Variants in ASAP1 observed in about 807,000 individuals in gnomAD.
The protein encoded by ASAP1 is arf-GAP with SH3 domain, ANK repeat and PH domain-containing protein 1.
ASAP1 carries 43 observed loss-of-function variants against 145.2 expected under a neutral mutation model. The ratio of observed to expected loss-of-function variants is 0.30; its 90% CI spans 0.23 to 0.38. The LOEUF is 0.38. ASAP1 is among the 10% of genes least tolerant of loss of function. The pLI is 1.00. For synonymous variants in ASAP1, 546 were observed against 515.5 expected, an observed-to-expected ratio of 1.06 and a Z score of -0.80; for missense variants, 1,018 against 1,355.3, an observed-to-expected ratio of 0.75 and a Z score of 3.91.
At chr8:130,070,290 G>A (rs2097440146) in intron 27 of ASAP1, among the ~76,000 whole-genome samples, 1 of 152,126 alleles carries the variant, frequency 6.6e-6, no homozygotes. Context: ...GCCCACCTTG[G>A]CCTCTCAAAG....
intron 4 of ASAP1, among the ~76,000 whole-genome samples, chr8:130,234,892 G>GAATTT: frequency 6.6e-6 from 1 of 152,062 alleles, no homozygotes; most frequent in Non-Finnish European, 1.5e-5. Context: ...GTTGTATGTG[G>GAATTT]AATCACTGAA....
intron 7 of ASAP1, among the ~76,000 whole-genome samples, chr8:130,184,366 G>T (rs1405264734): frequency 6.6e-6 from 1 of 152,210 alleles, no homozygotes; most frequent in African/African-American, 2.4e-5. Flanking sequence ...GGAACGTGTA[G>T]ATAAGTCAGG....
chr8:130,314,006 C>T (rs890564768), intron 3 of ASAP1, among the ~76,000 whole-genome samples: 1 of 152,190 alleles, frequency 6.6e-6, no homozygotes, highest in Non-Finnish European at 1.5e-5. Context: ...CCACCAATCA[C>T]TCAGTGTGAC....
At chr8:130,242,272 A>AAAC (rs1554855701) in intron 3 of ASAP1, among the ~76,000 whole-genome samples, 2,544 of 149,636 alleles carry the variant, frequency 0.017, 68 homozygotes, top group African/African-American at 0.058. Flanking sequence ...AAAAAAAAAA[A>AAAC]AAAAAAAAAA....
chr8:130,272,654 A>C (rs1820657007), intron 3 of ASAP1, among the ~76,000 whole-genome samples: 1 of 152,246 alleles, frequency 6.6e-6, no homozygotes, highest in South Asian at 2.1e-4. Flanking sequence ...ATACAAATGG[A>C]ATACTATTTG....
In ASAP1 at chr8:130,433,651, G is replaced by A. The variant is rs947003251; in HGVS notation, c.-28+9809C>T. 1.2e-4 allele frequency among the ~76,000 whole-genome samples: 18 copies of A among 152,208 alleles called. 1 individual carries two copies. Among genetic ancestry groups the A allele is most frequent in the Admixed American group, 6.5e-5 (1 of 15,276 alleles). ...TAGCAGGATATGCAGGGAAATCTGT[G>A]CAATGAAAACTCTTAAAAGTGAATT... On this transcript the variant is annotated intron_variant, in intron 1 of 29. Coordinates refer to ENST00000518721, the MANE Select transcript of ASAP1 (RefSeq NM_018482.4).
At chr8:130,171,241 A>G (rs1344147573) in intron 9 of ASAP1, among the ~76,000 whole-genome samples, 1 of 152,080 alleles carries the variant, frequency 6.6e-6, no homozygotes, top group Non-Finnish European at 1.5e-5. Context: ...TGCATATGCT[A>G]TTCCCTCTGC....
intron 24 of ASAP1, among the ~76,000 whole-genome samples, chr8:130,107,331 C>A (rs1330464310): frequency 2.6e-5 from 4 of 151,394 alleles, no homozygotes; most frequent in Non-Finnish European, 5.9e-5. Flanking sequence ...TACAGGCGTC[C>A]TCCACCACAC....
chr8:130,124,116 AAAAC>A lies in ASAP1; in HGVS notation c.1516-16_1516-13del. The A allele has an allele frequency of 1.9e-6, 3 of 1,573,750 alleles. No individual in the cohort carries two copies. Among genetic ancestry groups the A allele is most frequent in the African/African-American group, 1.4e-5 (1 of 72,942 alleles). On this transcript the variant is annotated splice_polypyrimidine_tract_variant and intron_variant, in intron 17 of 29. Coordinates refer to ENST00000518721, the MANE Select transcript of ASAP1 (RefSeq NM_018482.4). ...ACATTCTTGGCCAGCTGTAACAGAA[AAAAC>A]AAACAACCACAATATAGCAAACTCT...
chr8:130,085,884 T>A (rs1490641248), intron 25 of ASAP1, among the ~76,000 whole-genome samples: 1 of 152,228 alleles, frequency 6.6e-6, no homozygotes, highest in Non-Finnish European at 1.5e-5. Flanking sequence ...GATGGCTGGA[T>A]TCATCACAGA....
chr8:130,274,828 G>T (rs1820786596), intron 3 of ASAP1, among the ~76,000 whole-genome samples: 1 of 152,190 alleles, frequency 6.6e-6, no homozygotes, highest in South Asian at 2.1e-4. Flanking sequence ...ACCAGTACAG[G>T]ATTGGATTGG....
At chr8:130,375,948 T>A (rs901671302) in intron 2 of ASAP1, among the ~76,000 whole-genome samples, 2 of 151,470 alleles carry the variant, frequency 1.3e-5, no homozygotes, top group African/African-American at 2.4e-5. Context: ...TCCTGAGGAG[T>A]AGTGGGGAAG....
intron 3 of ASAP1, among the ~76,000 whole-genome samples, chr8:130,314,214 A>G (rs776181707): frequency 2.0e-5 from 3 of 152,148 alleles, no homozygotes; most frequent in Non-Finnish European, 2.9e-5. Flanking sequence ...AGGGGCAACA[A>G]CTTTCATACT....
At position 130,109,982 on chromosome 8, in the gene ASAP1, A is replaced by G. The variant is rs576750561; in HGVS notation, c.2401+2112T>C. ...GGGCTTTTTTTGGGGGAAGTGGGGA[A>G]AGTACTGTATCCTTAGATGACCACG... On this transcript the variant is annotated intron_variant, in intron 24 of 29. Coordinates refer to ENST00000518721, the MANE Select transcript of ASAP1 (RefSeq NM_018482.4). Among the ~76,000 whole-genome samples, 33 of 152,288 alleles carry G rather than the reference A, an allele frequency of 2.2e-4. No homozygotes were observed. The South Asian group carries it at 6.8e-3, about 32-fold the overall frequency.
chr8:130,439,496 C>A (rs1053143994), intron 1 of ASAP1, among the ~76,000 whole-genome samples: 6 of 151,994 alleles, frequency 3.9e-5, no homozygotes, highest in Admixed American at 3.9e-4. Context: ...ATAATAATAG[C>A]TAACATTTGT....
Position 130,401,877 on chromosome 8 carries a change from T to G in ASAP1, c.59+8A>C, listed in dbSNP as rs1828812005. ...TTTTCTGGACAGGATGGGCTAGAGA[T>G]CACTCACCGATTCCATAGTGAATCT... On this transcript the variant is annotated splice_region_variant and intron_variant, in intron 2 of 29. Coordinates refer to ENST00000518721, the MANE Select transcript of ASAP1 (RefSeq NM_018482.4). The G allele has an allele frequency of 6.2e-7, 1 of 1,612,936 alleles. No homozygotes were observed.
At chr8:130,069,538 A>AGGG (rs2097437679) in intron 27 of ASAP1, 1 of 152,234 alleles carries the variant, frequency 6.6e-6, no homozygotes, top group Admixed American at 6.5e-5. Context: ...CGCTTACCAA[A>AGGG]ACAAAGGTCT....
chr8:130,265,575 A>T (rs1436784858), intron 3 of ASAP1, among the ~76,000 whole-genome samples: 1 of 138,284 alleles, frequency 7.2e-6, no homozygotes, highest in South Asian at 2.4e-4. Context: ...CCTGTCTTTA[A>T]AAAAAAAAAA....
At position 130,167,522 on chromosome 8, in the gene ASAP1, T is replaced by C. The variant is rs1442909752; in HGVS notation, c.909+14A>G. On this transcript the variant is annotated intron_variant, in intron 11 of 29. Transcript: ENST00000518721. Reference sequence around the variant, plus strand: ...TACACTGTTAGCCCTGTTGTAAACATGTAAACCACTTACTTCTTTCTGATC... The same window carrying C: ...TACACTGTTAGCCCTGTTGTAAACACGTAAACCACTTACTTCTTTCTGATC... The C allele has an allele frequency of 3.1e-6, 5 of 1,607,876 alleles. No homozygotes were observed. Among genetic ancestry groups the C allele is most frequent in the Non-Finnish European group, 4.3e-6 (5 of 1,174,498 alleles).
Sources: gnomAD v4.1 joint callset for allele counts (sites outside exome capture counted in the v4.1 genomes callset) on GRCh38, gnomAD v4.1.1 for gene constraint, MANE v1.5 for transcripts, NCBI Gene and HGNC (gene_info 2026-07-23, HGNC 2026-07-21) for gene names.